Variants in KCMF1 observed in about 807,000 individuals in gnomAD.
The protein encoded by KCMF1 is potassium channel modulatory factor 1.
A neutral mutation model predicts 41.1 loss-of-function variants in KCMF1; 3 were observed. That is an observed-to-expected ratio of 0.07 (90% CI 0.03 to 0.19). The LOEUF is 0.19. Ranked by LOEUF, KCMF1 falls within the 10% of genes least tolerant of loss-of-function variation. The probability of loss-of-function intolerance (pLI) is 1.00; values close to 1 mark genes in which losing one functional copy is unlikely to be tolerated. For synonymous variants in KCMF1, 142 were observed against 164.5 expected, an observed-to-expected ratio of 0.86 and a Z score of 1.04; for missense variants, 286 against 488.9, an observed-to-expected ratio of 0.58 and a Z score of 3.91.
At chr2:85,022,642 A>G (rs1674974110) in intron 1 of KCMF1, among the ~76,000 whole-genome samples, 1 of 152,178 alleles carries the variant, frequency 6.6e-6, no homozygotes, top group South Asian at 2.1e-4. Context: ...GGTTGGATAT[A>G]TGAGAATTTT....
intron 1 of KCMF1, among the ~76,000 whole-genome samples, chr2:84,993,281 A>T (rs1331374634): frequency 6.6e-6 from 1 of 152,108 alleles, no homozygotes; most frequent in Non-Finnish European, 1.5e-5. Context: ...ATCAGACAAG[A>T]CTGTCACTGT....
At chr2:84,979,885 C>T (rs913273800) in intron 1 of KCMF1, among the ~76,000 whole-genome samples, 38 of 151,854 alleles carry the variant, frequency 2.5e-4, no homozygotes, top group East Asian at 7.7e-4. Context: ...TGCAGTGGCG[C>T]GATCTCGGCT....
At chr2:84,979,488 A>T (rs1396861341) in intron 1 of KCMF1, among the ~76,000 whole-genome samples, 1 of 149,082 alleles carries the variant, frequency 6.7e-6, no homozygotes, top group South Asian at 2.1e-4. Context: ...CACCCATTGC[A>T]CTCCAGCCTG....
chr2:84,997,137 GC>G (rs1674196054), intron 1 of KCMF1, among the ~76,000 whole-genome samples: 2 of 152,192 alleles, frequency 1.3e-5, no homozygotes, highest in East Asian at 3.8e-4. Flanking sequence ...ACTATACCTA[GC>G]GTGACAACTA....
chr2:84,986,216 G>A (rs1028880545), intron 1 of KCMF1, among the ~76,000 whole-genome samples: 2 of 152,164 alleles, frequency 1.3e-5, no homozygotes, highest in Admixed American at 6.5e-5. Flanking sequence ...CCTAAAGTAT[G>A]TGGTATGACT....
chr2:85,027,237 G>A (rs1675129828), intron 1 of KCMF1, among the ~76,000 whole-genome samples: 1 of 152,100 alleles, frequency 6.6e-6, no homozygotes, highest in South Asian at 2.1e-4. Flanking sequence ...GTCCAATAAT[G>A]CTGTGGACCT....
At position 85,009,887 on chromosome 2, in the gene KCMF1, A is replaced by G. The variant is rs536111046; in HGVS notation, c.17-18002A>G. Among the ~76,000 whole-genome samples the G allele has an allele frequency of 5.9e-5, 9 of 152,284 alleles. No individual in the cohort carries two copies. The South Asian group carries it at 1.2e-3, about 21-fold the overall frequency. ...CTTAAAGACCTTTTATCCATCTTCT[A>G]TCCTTCAGCAGTTCTTCACCCTAAC... On this transcript the variant is annotated intron_variant, in intron 1 of 6. Coordinates refer to ENST00000409785, the MANE Select transcript of KCMF1 (RefSeq NM_020122.5).
rs191290512 is a variant in KCMF1, at chr2:85,004,056, G to A, written c.17-23833G>A. ...GTGGGCAGGTATACAGCACAGATACGCCAAGCAAAGGGATGATTCACCTCC... is the reference window on the plus strand; with the variant it reads ...GTGGGCAGGTATACAGCACAGATACACCAAGCAAAGGGATGATTCACCTCC... On this transcript the variant is annotated intron_variant, in intron 1 of 6. Transcript: ENST00000409785. Among the ~76,000 whole-genome samples, 101 of 152,228 alleles carry A rather than the reference G, an allele frequency of 6.6e-4. 1 individual carries two copies. Among genetic ancestry groups the A allele is most frequent in the Non-Finnish European group, 1.2e-3 (79 of 68,024 alleles).
Position 85,008,332 on chromosome 2 carries a change from TATA to T in KCMF1, c.17-19553_17-19551del, listed in dbSNP as rs1488443356. Among the ~76,000 whole-genome samples, 21 of 109,734 alleles carry T rather than the reference TATA, an allele frequency of 1.9e-4. 1 individual carries two copies. Among genetic ancestry groups the T allele is most frequent in the African/African-American group, 7.6e-4 (20 of 26,170 alleles). The allele number at this position is 109,734 out of a possible 152,430, so 72.0% of individuals were successfully genotyped here. Reference sequence around the variant, plus strand: ...TATGATATATATATCATATATAATATATAATATGATATATAATATATAATATAT... The same window carrying T: ...TATGATATATATATCATATATAATATATATGATATATAATATATAATATAT... On this transcript the variant is annotated intron_variant, in intron 1 of 6. Coordinates refer to ENST00000409785, the MANE Select transcript of KCMF1 (RefSeq NM_020122.5).
At chr2:84,992,899 A>T (rs897516970) in intron 1 of KCMF1, among the ~76,000 whole-genome samples, 2 of 152,184 alleles carry the variant, frequency 1.3e-5, no homozygotes, top group African/African-American at 2.4e-5. Context: ...AGATTACAGC[A>T]TCACCATAGA....
intron 3 of KCMF1, among the ~76,000 whole-genome samples, chr2:85,042,434 AC>A (rs1675561187): frequency 6.6e-6 from 1 of 151,554 alleles, no homozygotes; most frequent in Admixed American, 6.6e-5. Flanking sequence ...GCTACCACCT[AC>A]TCCCACTGTG....
intron 1 of KCMF1, among the ~76,000 whole-genome samples, chr2:84,979,372 A>G (rs1486933876): frequency 6.6e-6 from 1 of 152,068 alleles, no homozygotes; most frequent in African/African-American, 2.4e-5. Context: ...AAAATACAAA[A>G]AAATATCTGG....
intron 1 of KCMF1, 52 bp downstream of exon 1, chr2:84,971,519 G>A: frequency 3.7e-6 from 4 of 1,084,912 alleles, no homozygotes; most frequent in Middle Eastern, 3.6e-4. Flanking sequence ...GGCCTACCCC[G>A]CCCGGGCCGG....
intron 1 of KCMF1, among the ~76,000 whole-genome samples, chr2:84,998,769 ATT>A (rs113414718): frequency 7.2e-6 from 1 of 138,696 alleles, no homozygotes; most frequent in Non-Finnish European, 1.6e-5. Flanking sequence ...CGCCCAATTA[ATT>A]TTTTTTTTTT....
At chr2:84,992,456 A>C (rs1196619161) in intron 1 of KCMF1, among the ~76,000 whole-genome samples, 5 of 151,882 alleles carry the variant, frequency 3.3e-5, no homozygotes, top group Non-Finnish European at 7.4e-5. Flanking sequence ...GGGTTTCGCC[A>C]TGTTGGCCAG....
chr2:84,975,252 A>AT lies in KCMF1; in HGVS notation c.16+3785_16+3786insT, dbSNP rs1673515426. Among the ~76,000 whole-genome samples, 2 of 151,978 alleles carry AT rather than the reference A, an allele frequency of 1.3e-5. 1 individual carries two copies. The highest frequency in any genetic ancestry group is 4.2e-4 in the South Asian group (2 of 4,814). ...GTGAGAATCCATCTCCAAAAAAAAA[A>AT]GTGGTGGTTGGATTTGGCCTGAGGG... On this transcript the variant is annotated intron_variant, in intron 1 of 6. Transcript: ENST00000409785.
chr2:84,980,655 G>A (rs373529690), intron 1 of KCMF1, among the ~76,000 whole-genome samples: 28 of 119,474 alleles, frequency 2.3e-4, no homozygotes, highest in African/African-American at 7.6e-4. Context: ...TTTTTTTTTT[G>A]TCTTGAGGCC....
chr2:85,008,367 T>TTATATATATAATCATATATAATATATC (rs1357310672), intron 1 of KCMF1, among the ~76,000 whole-genome samples: 1 of 8,176 alleles, frequency 1.2e-4, no homozygotes, highest in African/African-American at 1.9e-4. Context: ...ATATATTATA[T>TTATATATATAATCATATATAATATATC]ATCATATGAT....
intron 1 of KCMF1, among the ~76,000 whole-genome samples, chr2:85,015,185 T>C (rs866532711): frequency 1.1e-4 from 17 of 149,992 alleles, no homozygotes; most frequent in South Asian, 1.1e-3. Context: ...AAGTCTGTTA[T>C]AGACACACAT....
Sources: gnomAD v4.1 joint callset for allele counts (sites outside exome capture counted in the v4.1 genomes callset) on GRCh38, gnomAD v4.1.1 for gene constraint, MANE v1.5 for transcripts, NCBI Gene and HGNC (gene_info 2026-07-23, HGNC 2026-07-21) for gene names.